Variants in MTHFD1 observed in about 807,000 individuals in gnomAD.
MTHFD1 encodes the protein methylenetetrahydrofolate dehydrogenase, cyclohydrolase and formyltetrahydrofolate synthetase 1.
MTHFD1 carries 44 observed loss-of-function variants against 110.3 expected under a neutral mutation model. That is an observed-to-expected ratio of 0.40 (90% CI 0.31 to 0.51). The LOEUF is 0.51. Ranked by LOEUF, MTHFD1 falls within the 20% of genes least tolerant of loss-of-function variation. The probability of loss-of-function intolerance (pLI) is 0.60; values close to 1 mark genes in which losing one functional copy is unlikely to be tolerated. For synonymous variants in MTHFD1, 402 were observed against 428.8 expected, an observed-to-expected ratio of 0.94 and a Z score of 0.77; for missense variants, 909 against 1,173.1, an observed-to-expected ratio of 0.77 and a Z score of 3.29.
At chr14:64,434,949 C>CTT (rs374039248) in intron 15 of MTHFD1, among the ~76,000 whole-genome samples, 3,035 of 80,828 alleles carry the variant, frequency 0.038, 510 homozygotes, top group Non-Finnish European at 0.049. Flanking sequence ...TCCCTCTTTT[C>CTT]TTTTTTTTTT....
At chr14:64,407,033 A>G (rs906944351) in intron 2 of MTHFD1, among the ~76,000 whole-genome samples, 2 of 152,144 alleles carry the variant, frequency 1.3e-5, no homozygotes, top group Non-Finnish European at 2.9e-5. Flanking sequence ...TTCCTTAGCA[A>G]TGCATTCAAG....
intron 24 of MTHFD1, among the ~76,000 whole-genome samples, chr14:64,450,989 G>A (rs1314393573): frequency 6.6e-6 from 1 of 152,066 alleles, no homozygotes; most frequent in African/African-American, 2.4e-5. Context: ...CCAACATGGT[G>A]AAACCCCATC....
intron 5 of MTHFD1, 51 bp from the exon 6 acceptor site, chr14:64,415,588 A>G (rs776899580): frequency 2.5e-6 from 4 of 1,612,738 alleles, no homozygotes; most frequent in South Asian, 1.1e-5. Flanking sequence ...TCTAAAGAGT[A>G]AAGACATCTA....
Position 64,424,782 on chromosome 14 carries a change from G to C in MTHFD1, c.728-22G>C, listed in dbSNP as rs201047471. 6.9e-5 allele frequency: 112 copies of C among 1,613,236 alleles called. No individual in the cohort carries two copies. The African/African-American group carries it at 1.4e-3, about 20-fold the overall frequency. On this transcript the variant is annotated intron_variant, in intron 8 of 27. Transcript: ENST00000652337. ...GACTGTGATTCTGAGACTTAGTTTT[G>C]ATTTCTCCCCCACTTGACCAGATGA... is the stretch of plus-strand genomic sequence containing the variant.
intron 1 of MTHFD1, among the ~76,000 whole-genome samples, chr14:64,389,312 C>G (rs367946359): frequency 7.2e-5 from 11 of 152,252 alleles, no homozygotes; most frequent in African/African-American, 2.6e-4. Flanking sequence ...TTCACATCAC[C>G]CGTTATGTAA....
chr14:64,394,981 G>A (rs1043789666), intron 1 of MTHFD1, among the ~76,000 whole-genome samples: 9 of 152,148 alleles, frequency 5.9e-5, no homozygotes, highest in African/African-American at 1.2e-4. Context: ...CAGCTCTAGC[G>A]GCCAGATCTA....
In MTHFD1 at chr14:64,442,101, T is replaced by G. The variant is rs545785350; in HGVS notation, c.1932T>G (p.His644Gln). ...VHAGPFANIA[H>Q]GNSSIIADRI... ...CTGGCCCGTTTGCCAACATCGCACA[T>G]GGCAATTCCTCCATCATTGCAGACC... The change falls in exon 20 of 28, where the codon CAT becomes CAG. Residue 644 changes from histidine (H) to glutamine (Q), a missense_variant. Physicochemically the swap from His to Gln is conservative, Grantham distance 24 (BLOSUM62 0). This residue lies in a region of MTHFD1 where 482 missense variants were observed against 646.0 expected (regional missense o/e 0.75). Coordinates refer to ENST00000652337, the MANE Select transcript of MTHFD1 (RefSeq NM_005956.4). 1 of 1,614,184 alleles carries G rather than the reference T, an allele frequency of 6.2e-7. No homozygotes were observed. Among genetic ancestry groups the G allele is most frequent in the African/African-American group, 1.3e-5 (1 of 75,056 alleles).
rs756774801 is a variant in MTHFD1 at position 64,442,288 on chromosome 14, C to T, written c.2022C>T (p.Asp674=). Reference sequence around the variant, plus strand: ...TGACGGAAGCAGGATTTGGAGCAGACATTGGAATGGAAAAGTTTTTTAACA... The same window carrying T: ...TGACGGAAGCAGGATTTGGAGCAGATATTGGAATGGAAAAGTTTTTTAACA... ...FVVTEAGFGA[D]IGMEKFFNIK... Residue 674 remains aspartate (D), a synonymous_variant, in exon 21 of 28, where the codon GAC becomes GAT. Coordinates refer to ENST00000652337, the MANE Select transcript of MTHFD1 (RefSeq NM_005956.4). 2.5e-6 allele frequency: 4 copies of T among 1,614,118 alleles called. No homozygotes were observed. In the South Asian group the frequency reaches 3.3e-5, roughly 13 times the overall value.
intron 2 of MTHFD1, among the ~76,000 whole-genome samples, chr14:64,404,744 G>A (rs1324603319): frequency 6.6e-6 from 1 of 152,216 alleles, no homozygotes; most frequent in African/African-American, 2.4e-5. Context: ...GCTAAGGCGG[G>A]TAGATCACTT....
In MTHFD1 at chr14:64,440,208, T is replaced by A; in HGVS notation, c.1757T>A (p.Leu586Gln). The change falls in exon 18 of 28, where the codon CTG becomes CAG. Residue 586 changes from leucine to glutamine, a missense_variant. Physicochemically the swap from Leu to Gln is moderately radical, Grantham distance 113. Coordinates refer to ENST00000652337, the MANE Select transcript of MTHFD1 (RefSeq NM_005956.4). ...TCTCTAGAAGACATGAGAGAGAGAC[T>A]GGGCAAAATGGTGGTGGCATCCAGT... The part of the protein sequence containing the change: ...TTSLEDMRER[L>Q]GKMVVASSKK... 6.2e-7 allele frequency: 1 copy of A among 1,614,182 alleles called. No homozygotes were observed. Among genetic ancestry groups the A allele is most frequent in the South Asian group, 1.1e-5 (1 of 91,076 alleles).
At chr14:64,448,010 T>C in intron 22 of MTHFD1, 3 of 600,720 alleles carry the variant, frequency 5.0e-6, no homozygotes, top group East Asian at 2.9e-5. Context: ...TCTAGTGTCA[T>C]AGGCTGGAGT....
At chr14:64,412,375 C>A in intron 3 of MTHFD1, 97 bp from the exon 4 acceptor site, 1 of 905,300 alleles carries the variant, frequency 1.1e-6, no homozygotes. Context: ...GAAATGATGA[C>A]CAACACCTCC....
rs568500136 is a variant in MTHFD1 at position 64,444,619 on chromosome 14, C to T, written c.2137-74C>T. ...AAGCATTGCAGCGTCTTGCCTTTAACACATGAAAAGCACCATTTTAAGCTA... is the reference window on the plus strand; with the variant it reads ...AAGCATTGCAGCGTCTTGCCTTTAATACATGAAAAGCACCATTTTAAGCTA... On this transcript the variant is annotated intron_variant, in intron 21 of 27. Coordinates refer to ENST00000652337, the MANE Select transcript of MTHFD1 (RefSeq NM_005956.4). 1.1e-4 allele frequency: 173 copies of T among 1,545,294 alleles called. No homozygotes were observed. The South Asian group carries it at 1.8e-3, about 16-fold the overall frequency.
At chr14:64,392,482 T>C (rs1388156316) in intron 1 of MTHFD1, among the ~76,000 whole-genome samples, 1 of 152,198 alleles carries the variant, frequency 6.6e-6, no homozygotes, top group African/African-American at 2.4e-5. Context: ...GCTCTCTCCA[T>C]TGGTGGCATT....
chr14:64,424,181 T>A (rs988333206), intron 8 of MTHFD1: 12 of 160,642 alleles, frequency 7.5e-5, no homozygotes, highest in African/African-American at 2.9e-4. Flanking sequence ...TGTAGGATGT[T>A]CTTTGTGTGA....
intron 1 of MTHFD1, chr14:64,389,099 C>T (rs1291234648): frequency 2.6e-5 from 4 of 152,532 alleles, no homozygotes; most frequent in African/African-American, 4.8e-5. Flanking sequence ...CTGTTCTACC[C>T]TTGCGGGACA....
chr14:64,459,623 A>T (rs1183773732), intron 27 of MTHFD1, 136 bp from the exon 28 acceptor site: 2 of 706,818 alleles, frequency 2.8e-6, no homozygotes, highest in Non-Finnish European at 4.6e-6. Context: ...CACGCCCTAG[A>T]AGAGCTGGTG....
intron 12 of MTHFD1, among the ~76,000 whole-genome samples, chr14:64,428,787 T>C (rs2078137368): frequency 6.6e-6 from 1 of 150,510 alleles, no homozygotes; most frequent in South Asian, 2.1e-4. Context: ...CTCCTGACCT[T>C]GTGATCTGCC....
At chr14:64,428,115 T>G (rs1483957182) in intron 12 of MTHFD1, among the ~76,000 whole-genome samples, 17 of 146,516 alleles carry the variant, frequency 1.2e-4, no homozygotes, top group Admixed American at 4.1e-4. Flanking sequence ...TTTTTTTTTT[T>G]TTTTTTTTTT....
Sources: gnomAD v4.1 joint callset for allele counts (sites outside exome capture counted in the v4.1 genomes callset) on GRCh38, gnomAD v4.1.1 for gene constraint, gnomAD v4.1.1 regional missense constraint, MANE v1.5 for transcripts, NCBI Gene and HGNC (gene_info 2026-07-23, HGNC 2026-07-21) for gene names.